The following BABAM2 variants were observed in gnomAD, a reference collection of about 807,000 sequenced individuals.
The protein encoded by BABAM2 is BRISC and BRCA1-A complex member 2.
Under a neutral mutation model 54.7 loss-of-function variants are expected in BABAM2, and 31 were observed. That is an observed-to-expected ratio of 0.57 (90% CI 0.43 to 0.77). The LOEUF (loss-of-function observed/expected upper bound fraction) is 0.77. Ranked by LOEUF, BABAM2 falls within the 30% of genes least tolerant of loss-of-function variation. BABAM2 has a pLI of 0.00. For missense variants in BABAM2, 364 were observed against 455.8 expected (o/e 0.80, Z 1.83); for synonymous variants, 167 against 162.9 (o/e 1.03, Z -0.19).
chr2:28,155,806 C>T (rs540646496), intron 7 of BABAM2, among the ~76,000 whole-genome samples: 1 of 152,132 alleles, frequency 6.6e-6, no homozygotes, highest in South Asian at 2.1e-4. Context: ...TACCAACCAC[C>T]AGATGGGGTT....
At chr2:28,213,462 A>G (rs939485799) in intron 7 of BABAM2, among the ~76,000 whole-genome samples, 5 of 152,158 alleles carry the variant, frequency 3.3e-5, no homozygotes, top group African/African-American at 1.2e-4. Context: ...TATGAGTAAC[A>G]TAGAGCATTT....
rs573269171 is a variant in BABAM2 at position 28,138,492 on chromosome 2, C to A, written c.680+9112C>A. On this transcript the variant is annotated intron_variant, in intron 7 of 11. Coordinates refer to ENST00000379624, the MANE Select transcript of BABAM2 (RefSeq NM_199191.3). ...TAAATATAGTTTGGAGAGTAACGCA[C>A]CTTCCCCTAAAGCAATTCCTAAACC... Among the ~76,000 whole-genome samples, 3 of 152,200 alleles carry A rather than the reference C, an allele frequency of 2.0e-5. No individual in the cohort carries two copies. The East Asian group carries it at 5.8e-4, about 29-fold the overall frequency.
intron 7 of BABAM2, among the ~76,000 whole-genome samples, chr2:28,147,908 C>G (rs1329803116): frequency 1.3e-5 from 2 of 152,160 alleles, no homozygotes; most frequent in African/African-American, 4.8e-5. Flanking sequence ...TGAATGACCC[C>G]TTAGTGATTG....
intron 10 of BABAM2, among the ~76,000 whole-genome samples, chr2:28,279,086 AC>A (rs939685682): frequency 3.3e-5 from 5 of 152,186 alleles, no homozygotes; most frequent in Admixed American, 3.3e-4. Flanking sequence ...GGATGAGAGA[AC>A]CTTCAGCATG....
At chr2:28,169,626 C>T (rs1223665054) in intron 7 of BABAM2, among the ~76,000 whole-genome samples, 1 of 151,800 alleles carries the variant, frequency 6.6e-6, no homozygotes, top group Non-Finnish European at 1.5e-5. Context: ...AACAAACAAA[C>T]AAAAACAATA....
intron 10 of BABAM2, among the ~76,000 whole-genome samples, chr2:28,264,692 A>G (rs1174176785): frequency 2.6e-5 from 4 of 152,200 alleles, no homozygotes; most frequent in African/African-American, 9.6e-5. Context: ...AAACATGCTG[A>G]GTTGGCCTCT....
At chr2:28,175,995 A>G (rs1461600504) in intron 7 of BABAM2, among the ~76,000 whole-genome samples, 1 of 152,176 alleles carries the variant, frequency 6.6e-6, no homozygotes, top group Non-Finnish European at 1.5e-5. Flanking sequence ...AATAATACAG[A>G]AACTACACTC....
chr2:27,898,181 C>T (rs1479376184), intron 2 of BABAM2, among the ~76,000 whole-genome samples: 1 of 152,118 alleles, frequency 6.6e-6, no homozygotes, highest in Non-Finnish European at 1.5e-5. Flanking sequence ...GCATTGTGCT[C>T]ATCTCTTTTT....
chr2:27,987,595 G>A (rs987968138), intron 3 of BABAM2, among the ~76,000 whole-genome samples: 2 of 151,846 alleles, frequency 1.3e-5, no homozygotes, highest in Non-Finnish European at 2.9e-5. Context: ...TGGGTTGATC[G>A]CTTGAGCTCA....
chr2:27,926,505 C>G (rs1210972555), intron 2 of BABAM2, among the ~76,000 whole-genome samples: 4 of 152,166 alleles, frequency 2.6e-5, no homozygotes, highest in African/African-American at 9.7e-5. Flanking sequence ...CGGATTTCAC[C>G]TCCTCCAGAG....
chr2:27,897,051 G>A (rs542804570), intron 2 of BABAM2: 4 of 154,762 alleles, frequency 2.6e-5, no homozygotes, highest in African/African-American at 9.6e-5. Context: ...TTGTCACAGT[G>A]AATGGTGCCC....
rs70953901 is a variant in BABAM2 at position 28,092,749 on chromosome 2, C to CCTCTCTCTCT, written c.571-36508_571-36499dup. 2.3e-4 allele frequency among the ~76,000 whole-genome samples: 34 copies of CCTCTCTCTCT among 146,820 alleles called. 1 individual carries two copies. Among genetic ancestry groups the CCTCTCTCTCT allele is most frequent in the African/African-American group, 8.0e-4 (32 of 40,162 alleles). On this transcript the variant is annotated intron_variant, in intron 6 of 11. Coordinates refer to ENST00000379624, the MANE Select transcript of BABAM2 (RefSeq NM_199191.3). ...CAAGTCCTCTCTCCCTTCGTCTCTG[C>CCTCTCTCTCT]CTCTCTCTCTCTCTCTCTCTCTCAC... is the stretch of plus-strand genomic sequence containing the variant.
In BABAM2 at chr2:28,128,521, G is replaced by A. The variant is rs1042075890; in HGVS notation, c.571-750G>A. Among the ~76,000 whole-genome samples, 7 of 152,300 alleles carry A rather than the reference G, an allele frequency of 4.6e-5. No individual in the cohort carries two copies. In the South Asian group the frequency reaches 1.0e-3, roughly 23 times the overall value. On this transcript the variant is annotated intron_variant, in intron 6 of 11. Transcript: ENST00000379624. Reference sequence around the variant, plus strand: ...GACACTTCATCAGTGTATCATCAGCGTTGGCTTGAGTTGGTTATAATATTC... The same window carrying A: ...GACACTTCATCAGTGTATCATCAGCATTGGCTTGAGTTGGTTATAATATTC...
intron 3 of BABAM2, among the ~76,000 whole-genome samples, chr2:27,985,798 T>C (rs1246661438): frequency 6.6e-6 from 1 of 152,210 alleles, no homozygotes; most frequent in African/African-American, 2.4e-5. Context: ...AATATCTTTG[T>C]ATTGACACAG....
intron 5 of BABAM2, among the ~76,000 whole-genome samples, chr2:28,026,780 A>T (rs1448553152): frequency 7.2e-4 from 65 of 90,806 alleles, no homozygotes; most frequent in Middle Eastern, 4.8e-3. Flanking sequence ...TATATAAAAA[A>T]ATATAAATAT....
At chr2:27,984,188 C>CAAT (rs1672230535) in intron 3 of BABAM2, among the ~76,000 whole-genome samples, 1 of 151,810 alleles carries the variant, frequency 6.6e-6, no homozygotes, top group African/African-American at 2.4e-5. Flanking sequence ...TGTCAAGGGA[C>CAAT]AATAGATCCT....
intron 7 of BABAM2, among the ~76,000 whole-genome samples, chr2:28,220,952 G>A (rs1680347981): frequency 6.6e-6 from 1 of 152,132 alleles, no homozygotes; most frequent in African/African-American, 2.4e-5. Context: ...AATGCAACGT[G>A]ATCATGTGTC....
chr2:27,978,205 T>C (rs556042159), intron 3 of BABAM2, among the ~76,000 whole-genome samples: 1 of 152,236 alleles, frequency 6.6e-6, no homozygotes, highest in East Asian at 1.9e-4. Context: ...TCTGACTTCA[T>C]GTGAGATCTG....
intron 6 of BABAM2, among the ~76,000 whole-genome samples, chr2:28,054,440 T>C (rs1004888728): frequency 4.6e-5 from 7 of 152,250 alleles, no homozygotes; most frequent in Non-Finnish European, 7.3e-5. Context: ...TTAGCTATTA[T>C]TATGATCTGA....
Sources: allele counts gnomAD v4.1 joint callset (sites outside exome capture counted in the v4.1 genomes callset), GRCh38; gene constraint gnomAD v4.1.1; transcripts MANE v1.5; gene names NCBI Gene and HGNC (gene_info 2026-07-23, HGNC 2026-07-21).